Variants in INPP4B observed in about 807,000 individuals in gnomAD.
The protein encoded by INPP4B is inositol polyphosphate-4-phosphatase type II B.
In INPP4B, 55 loss-of-function variants were observed where a neutral mutation model predicts 122.5. The observed-to-expected ratio is 0.45, with a 90% CI of 0.36 to 0.56. INPP4B has a LOEUF of 0.56. INPP4B is among the 20% of genes least tolerant of loss of function. The pLI is 0.00. For synonymous variants in INPP4B, 403 were observed against 388.7 expected, an observed-to-expected ratio of 1.04 and a Z score of -0.43; for missense variants, 1,000 against 1,097.7, an observed-to-expected ratio of 0.91 and a Z score of 1.26.
intron 11 of INPP4B, among the ~76,000 whole-genome samples, chr4:142,251,181 A>G (rs1649069647): frequency 6.6e-6 from 1 of 152,180 alleles, no homozygotes; most frequent in Non-Finnish European, 1.5e-5. Context: ...TACTTAACCA[A>G]TAAGCATGAC....
chr4:142,493,292 A>T (rs1822112545), intron 2 of INPP4B, among the ~76,000 whole-genome samples: 1 of 152,188 alleles, frequency 6.6e-6, no homozygotes, highest in Admixed American at 6.5e-5. Context: ...GTGGGGTTGG[A>T]GCCCACACAT....
intron 15 of INPP4B, among the ~76,000 whole-genome samples, chr4:142,190,959 C>T (rs1835537316): frequency 6.6e-6 from 1 of 152,044 alleles, no homozygotes; most frequent in Non-Finnish European, 1.5e-5. Context: ...ATTCTGACTA[C>T]CCTATGGGCA....
At chr4:142,557,416 A>T (rs1580362699) in intron 2 of INPP4B, among the ~76,000 whole-genome samples, 1 of 152,154 alleles carries the variant, frequency 6.6e-6, no homozygotes, top group Non-Finnish European at 1.5e-5. Context: ...CAGACCTTGA[A>T]GTTCACCTAG....
intron 25 of INPP4B, among the ~76,000 whole-genome samples, chr4:142,064,840 A>C (rs1468291492): frequency 6.6e-6 from 1 of 152,208 alleles, no homozygotes; most frequent in East Asian, 1.9e-4. Flanking sequence ...TTTCAAAAAC[A>C]AAAGAACAGT....
At chr4:142,769,892 C>T (rs911461162) in intron 1 of INPP4B, among the ~76,000 whole-genome samples, 26 of 151,980 alleles carry the variant, frequency 1.7e-4, no homozygotes, top group South Asian at 4.2e-4. Flanking sequence ...CCAGCCTGGG[C>T]GACAGAGTGA....
intron 25 of INPP4B, among the ~76,000 whole-genome samples, chr4:142,067,398 T>C (rs529956220): frequency 6.6e-6 from 1 of 152,184 alleles, no homozygotes; most frequent in South Asian, 2.1e-4. Flanking sequence ...AGCTGAAAAT[T>C]CTAAAAATCA....
At chr4:142,831,447 T>C (rs942167829) in intron 1 of INPP4B, among the ~76,000 whole-genome samples, 1 of 152,204 alleles carries the variant, frequency 6.6e-6, no homozygotes, top group Non-Finnish European at 1.5e-5. Flanking sequence ...GAATTGTGAC[T>C]TGTCTGCTTT....
intron 1 of INPP4B, among the ~76,000 whole-genome samples, chr4:142,776,548 G>A (rs76297992): frequency 0.016 from 2,398 of 152,184 alleles, 30 homozygotes; most frequent in Non-Finnish European, 0.023. Flanking sequence ...AGGAACTATA[G>A]AATATTCCAG....
At chr4:142,178,510 A>T (rs1829350044) in intron 15 of INPP4B, among the ~76,000 whole-genome samples, 1 of 152,184 alleles carries the variant, frequency 6.6e-6, no homozygotes, top group Non-Finnish European at 1.5e-5. Flanking sequence ...ACATTGTGGG[A>T]CTTACTCTGT....
intron 7 of INPP4B, among the ~76,000 whole-genome samples, chr4:142,398,401 AATAT>A (rs1206023677): frequency 0.021 from 594 of 27,912 alleles, 10 homozygotes; most frequent in Non-Finnish European, 0.026. Flanking sequence ...AAAAAAAAAA[AATAT>A]ATATATATAT....
Position 142,731,775 on chromosome 4 carries a change from GA to G in INPP4B, c.-253-5875del, listed in dbSNP as rs370904473. Among the ~76,000 whole-genome samples the G allele has an allele frequency of 7.0e-3, 870 of 123,426 alleles. 7 individuals are homozygous for G. Among genetic ancestry groups the G allele is most frequent in the African/African-American group, 0.021 (726 of 34,260 alleles). 81.0% of individuals were successfully genotyped at this position (123,426 alleles called of 152,430 possible). On this transcript the variant is annotated intron_variant, in intron 1 of 25. Transcript: ENST00000262992. ...TCAAAAGAACTTGAGATTTTCAGGG[GA>G]AAAAAAAAACATCATCCAACATCTA...
In INPP4B at chr4:142,208,886, G is replaced by C; in HGVS notation, c.967+10C>G. 1.3e-6 allele frequency: 2 copies of C among 1,526,494 alleles called. No homozygotes were observed. Among genetic ancestry groups the C allele is most frequent in the Non-Finnish European group, 1.8e-6 (2 of 1,132,170 alleles). The allele number at this position is 1,526,494 out of a possible 1,614,324, so 94.6% of individuals were successfully genotyped here. On this transcript the variant is annotated intron_variant, in intron 13 of 25. Coordinates refer to ENST00000262992, the MANE Select transcript of INPP4B (RefSeq NM_001101669.3). ...TTCACTTTGAGTAAGTAGAGAAATTGCTTCCACACCTGTTTCCTTGCTAAG... is the reference window on the plus strand; with the variant it reads ...TTCACTTTGAGTAAGTAGAGAAATTCCTTCCACACCTGTTTCCTTGCTAAG...
intron 3 of INPP4B, among the ~76,000 whole-genome samples, chr4:142,461,261 C>T (rs1816675884): frequency 6.6e-6 from 1 of 152,108 alleles, no homozygotes; most frequent in Admixed American, 6.5e-5. Flanking sequence ...AGTCATTTGC[C>T]TTACTTTAAG....
chr4:142,131,726 C>G (rs559781087), intron 18 of INPP4B, among the ~76,000 whole-genome samples: 15 of 152,322 alleles, frequency 9.8e-5, no homozygotes, highest in African/African-American at 3.1e-4. Context: ...GAGGCCAAGG[C>G]AGGCGGATCA....
chr4:142,648,947 G>A lies in INPP4B; in HGVS notation c.-191+76892C>T, dbSNP rs190882502. Among the ~76,000 whole-genome samples, 39 of 152,286 alleles carry A rather than the reference G, an allele frequency of 2.6e-4. No homozygotes were observed. The East Asian group carries it at 7.6e-3, about 30-fold the overall frequency. On this transcript the variant is annotated intron_variant, in intron 2 of 25. Coordinates refer to ENST00000262992, the MANE Select transcript of INPP4B (RefSeq NM_001101669.3). ...AATGGGGAGATACCTCCCAGTAGGGGCCGACAGACACCTCATATAGGTGGC... is the reference window on the plus strand; with the variant it reads ...AATGGGGAGATACCTCCCAGTAGGGACCGACAGACACCTCATATAGGTGGC...
At chr4:142,244,014 A>C (rs1579416811) in intron 11 of INPP4B, among the ~76,000 whole-genome samples, 1 of 152,094 alleles carries the variant, frequency 6.6e-6, no homozygotes, top group East Asian at 1.9e-4. Flanking sequence ...TGCACCCATC[A>C]ACAAGTCATC....
At chr4:142,521,138 G>A (rs950032120) in intron 2 of INPP4B, among the ~76,000 whole-genome samples, 3 of 151,622 alleles carry the variant, frequency 2.0e-5, no homozygotes, top group African/African-American at 7.3e-5. Flanking sequence ...TCAAAGAGAT[G>A]AAAAATATAA....
At chr4:142,369,866 G>A (rs997799687) in intron 7 of INPP4B, among the ~76,000 whole-genome samples, 7 of 151,070 alleles carry the variant, frequency 4.6e-5, no homozygotes, top group Admixed American at 3.3e-4. Context: ...AGGAGACGGA[G>A]GTTCCAGTGA....
chr4:142,233,679 C>CCCT (rs1395577263), intron 12 of INPP4B, among the ~76,000 whole-genome samples: 1 of 152,094 alleles, frequency 6.6e-6, no homozygotes, highest in Non-Finnish European at 1.5e-5. Flanking sequence ...GAAAAAACTT[C>CCCT]AGAGTAAAGC....
Sources: gnomAD v4.1 joint callset for allele counts (sites outside exome capture counted in the v4.1 genomes callset) on GRCh38, gnomAD v4.1.1 for gene constraint, MANE v1.5 for transcripts, NCBI Gene and HGNC (gene_info 2026-07-23, HGNC 2026-07-21) for gene names.